Variants in SPAG17 observed in about 807,000 individuals in gnomAD.
SPAG17 encodes the protein sperm associated antigen 17.
A neutral mutation model predicts 273.6 loss-of-function variants in SPAG17; 169 were observed. The ratio of observed to expected loss-of-function variants is 0.62; its 90% CI spans 0.55 to 0.70. The LOEUF (loss-of-function observed/expected upper bound fraction) is 0.70. Among genes scored for constraint, SPAG17 ranks in the 30% least tolerant of loss-of-function variants. The pLI is 0.00. For missense variants in SPAG17, 2,557 were observed against 2,627.8 expected, an observed-to-expected ratio of 0.97 and a Z score of 0.59; for synonymous variants, 825 against 873.2, an observed-to-expected ratio of 0.94 and a Z score of 0.97.
intron 27 of SPAG17, 74 bp downstream of exon 27, chr1:118,025,164 G>C: frequency 7.3e-7 from 1 of 1,371,290 alleles, no homozygotes. Flanking sequence ...CCCTGTTATA[G>C]AACAGTTCCT....
chr1:118,046,739 C>A (rs1650400719), intron 20 of SPAG17, among the ~76,000 whole-genome samples: 1 of 152,028 alleles, frequency 6.6e-6, no homozygotes, highest in African/African-American at 2.4e-5. Flanking sequence ...TAATTGAGTA[C>A]AATTTTTAGT....
At position 118,081,246 on chromosome 1, in the gene SPAG17, G is replaced by C; in HGVS notation, c.2064C>G (p.Asn688Lys). The C allele has an allele frequency of 2.5e-6, 4 of 1,614,036 alleles. No homozygotes were observed. Among genetic ancestry groups the C allele is most frequent in the Non-Finnish European group, 3.4e-6 (4 of 1,179,980 alleles). Residue 688 changes from asparagine to lysine, a missense_variant, in exon 15 of 49, where the codon AAC becomes AAG. Transcript: ENST00000336338. ...LSMSVQDNESNREPSDPSQCD... is the reference protein window; with the variant it reads ...LSMSVQDNESKREPSDPSQCD... ...ACTGACTAGGATCTGAAGGTTCTCGGTTGCTTTCATTATCTTGCACAGACA... is the reference window on the plus strand; with the variant it reads ...ACTGACTAGGATCTGAAGGTTCTCGCTTGCTTTCATTATCTTGCACAGACA...
Position 118,005,586 on chromosome 1 carries a change from G to A in SPAG17, c.4604C>T (p.Thr1535Ile), listed in dbSNP as rs187676013. ...QGTYQVLPPN[T>I]GSLYIDKDCS... ...ATCCTTGTCAATATAAAGAGAGCCT[G>A]TGTTTGGAGGTAACACCTGAAAGAG... Residue 1535 changes from threonine (T) to isoleucine (I), a missense_variant, in exon 32 of 49, where the codon ACA becomes ATA. Thr to Ile is a moderately conservative substitution (Grantham distance 89). Coordinates refer to ENST00000336338, the MANE Select transcript of SPAG17 (RefSeq NM_206996.4). 3.6e-5 allele frequency: 55 copies of A among 1,522,160 alleles called. No individual in the cohort carries two copies. The highest frequency in any genetic ancestry group is 2.8e-4 in the Admixed American group (13 of 46,460). The allele number at this position is 1,522,160 out of a possible 1,614,324, so 94.3% of individuals were successfully genotyped here. A position where few individuals can be genotyped will look rare whatever the true frequency, so the allele number is the denominator to read the frequency against.
rs181095976 is a variant in SPAG17, at chr1:117,999,609, G to C, written c.4777-2866C>G. ...TGAGCATTTTTTCATGTGTCTGTTGGCTGCATAAATGTCTTCTTTTGAGAA... is the reference window on the plus strand; with the variant it reads ...TGAGCATTTTTTCATGTGTCTGTTGCCTGCATAAATGTCTTCTTTTGAGAA... On this transcript the variant is annotated intron_variant, in intron 32 of 48. Coordinates refer to ENST00000336338, the MANE Select transcript of SPAG17 (RefSeq NM_206996.4). Among the ~76,000 whole-genome samples the C allele has an allele frequency of 2.4e-3, 365 of 152,282 alleles. 1 individual carries two copies. Among genetic ancestry groups the C allele is most frequent in the African/African-American group, 8.5e-3 (355 of 41,554 alleles).
intron 3 of SPAG17, among the ~76,000 whole-genome samples, chr1:118,129,027 A>G (rs954189847): frequency 6.6e-6 from 1 of 152,298 alleles, no homozygotes; most frequent in African/African-American, 2.4e-5. Context: ...TGGTCATGAC[A>G]AAGCTCTGGG....
At chr1:117,974,521 CTAA>C (rs201371630) in intron 43 of SPAG17, among the ~76,000 whole-genome samples, 2,060 of 151,198 alleles carry the variant, frequency 0.014, 46 homozygotes, top group South Asian at 0.1. Context: ...TTTATTAAAA[CTAA>C]TGAGTAAAAA....
chr1:117,974,744 G>A (rs1171680353), intron 43 of SPAG17, among the ~76,000 whole-genome samples: 2 of 152,204 alleles, frequency 1.3e-5, no homozygotes, highest in African/African-American at 4.8e-5. Flanking sequence ...GATCCAGGAG[G>A]TGGAAATAAG....
chr1:117,964,614 C>T (rs1192819492), intron 47 of SPAG17: 1 of 152,010 alleles, frequency 6.6e-6, no homozygotes, highest in Non-Finnish European at 1.5e-5. Context: ...CCAGTGAGGA[C>T]TTTCCTTTCC....
At chr1:118,068,354 T>A (rs1436632415) in intron 17 of SPAG17, among the ~76,000 whole-genome samples, 1 of 152,108 alleles carries the variant, frequency 6.6e-6, no homozygotes, top group South Asian at 2.1e-4. Flanking sequence ...TCTTTGCATT[T>A]TAAAATATTG....
At position 118,099,287 on chromosome 1, in the gene SPAG17, G is replaced by A. The variant is rs114657531; in HGVS notation, c.829+319C>T. Among the ~76,000 whole-genome samples the A allele has an allele frequency of 8.8e-3, 1,344 of 152,242 alleles. 7 individuals carry two copies. The highest frequency in any genetic ancestry group is 0.014 in the Admixed American group (207 of 15,284). On this transcript the variant is annotated intron_variant, in intron 6 of 48. Coordinates refer to ENST00000336338, the MANE Select transcript of SPAG17 (RefSeq NM_206996.4). ...GATTATTAACAGTGATTCATCCAGC[G>A]CATCCTTTAGGTAAAACTTATAGAT...
chr1:118,171,300 T>C (rs557195239), intron 1 of SPAG17, among the ~76,000 whole-genome samples: 17 of 152,174 alleles, frequency 1.1e-4, no homozygotes, highest in African/African-American at 3.9e-4. Flanking sequence ...ATATAAGATT[T>C]GGTTCCTGAT....
At chr1:118,001,399 C>T (rs1658272126) in intron 32 of SPAG17, among the ~76,000 whole-genome samples, 1 of 152,122 alleles carries the variant, frequency 6.6e-6, no homozygotes, top group African/African-American at 2.4e-5. Context: ...GGAATGGTAC[C>T]AGGTCCTTTT....
At chr1:118,165,265 G>T (rs1262922545) in intron 1 of SPAG17, among the ~76,000 whole-genome samples, 1 of 152,062 alleles carries the variant, frequency 6.6e-6, no homozygotes, top group African/African-American at 2.4e-5. Context: ...TCTCTTACAA[G>T]TTCCCAAGTG....
chr1:118,001,731 C>G (rs555707087), intron 32 of SPAG17, among the ~76,000 whole-genome samples: 1 of 152,048 alleles, frequency 6.6e-6, no homozygotes, highest in South Asian at 2.1e-4. Context: ...ATTAGTCTTC[C>G]TAATGGTCTA....
intron 31 of SPAG17, among the ~76,000 whole-genome samples, chr1:118,006,507 T>C (rs958031831): frequency 3.3e-5 from 5 of 152,362 alleles, no homozygotes; most frequent in Middle Eastern, 3.4e-3. Flanking sequence ...TTGCCATCAT[T>C]TGCATTGTTT....
chr1:118,013,562 A>G (rs1365308778), intron 29 of SPAG17, among the ~76,000 whole-genome samples: 1 of 152,094 alleles, frequency 6.6e-6, no homozygotes, highest in Non-Finnish European at 1.5e-5. Flanking sequence ...TGTCTGGTTT[A>G]CTCATCCACA....
chr1:118,066,761 A>G lies in SPAG17; in HGVS notation c.2524T>C (p.Ser842Pro). The G allele has an allele frequency of 6.2e-7, 1 of 1,609,842 alleles. No individual in the cohort carries two copies. The change falls in exon 18 of 49, where the codon TCC becomes CCC. Residue 842 changes from serine to proline, a missense_variant. Ser to Pro is a moderately conservative substitution (Grantham distance 74, BLOSUM62 -1). Coordinates refer to ENST00000336338, the MANE Select transcript of SPAG17 (RefSeq NM_206996.4). Reference protein sequence around the residue: ...HCEYWNIALHSNVGFRNYLEL... With the variant: ...HCEYWNIALHPNVGFRNYLEL... ...ATTTGTTACCTGAATCCAACATTGG[A>G]GTGGAGAGCAATGTTCCAATATTCA...
chr1:118,090,146 G>A (rs745426963), intron 10 of SPAG17, among the ~76,000 whole-genome samples: 3 of 152,192 alleles, frequency 2.0e-5, no homozygotes, highest in Non-Finnish European at 4.4e-5. Context: ...TCATAGGATT[G>A]TTCTGAAGAT....
At position 118,027,336 on chromosome 1, in the gene SPAG17, G is replaced by A. The variant is rs545399687; in HGVS notation, c.3730+938C>T. 1.3e-5 allele frequency among the ~76,000 whole-genome samples: 2 copies of A among 152,246 alleles called. 1 individual carries two copies. Among genetic ancestry groups the A allele is most frequent in the South Asian group, 4.1e-4 (2 of 4,822 alleles). On this transcript the variant is annotated intron_variant, in intron 26 of 48. Coordinates refer to ENST00000336338, the MANE Select transcript of SPAG17 (RefSeq NM_206996.4). ...ATTTAGTTTCTGCTTTTTTGCGGGG[G>A]AGGGAGCTGGGAAGTAAATAAAACA...
Sources: gnomAD v4.1 joint callset for allele counts (sites outside exome capture counted in the v4.1 genomes callset) on GRCh38, gnomAD v4.1.1 for gene constraint, MANE v1.5 for transcripts, NCBI Gene and HGNC (gene_info 2026-07-23, HGNC 2026-07-21) for gene names.